RPL39L: variants seen among roughly 807,000 people sequenced by gnomAD.
RPL39L encodes the protein ribosomal protein eL39-like 2.
For synonymous variants in RPL39L, 16 were observed against 20.1 expected (o/e 0.80, Z 0.55); for missense variants, 48 against 58.9 (o/e 0.81, Z 0.61).
intron 2 of RPL39L, among the ~76,000 whole-genome samples, chr3:187,124,557 A>C (rs1001559448): frequency 1.3e-5 from 2 of 152,158 alleles, no homozygotes; most frequent in Non-Finnish European, 2.9e-5. Flanking sequence ...TTGCTGTCCT[A>C]AGCATAATCT....
At chr3:187,126,647 G>A (rs1388940460) in intron 2 of RPL39L, among the ~76,000 whole-genome samples, 1 of 152,118 alleles carries the variant, frequency 6.6e-6, no homozygotes, top group Non-Finnish European at 1.5e-5. Context: ...AAGCCTCAAA[G>A]AGATTACAAA....
intron 2 of RPL39L, among the ~76,000 whole-genome samples, chr3:187,123,833 C>T (rs1394082846): frequency 6.6e-6 from 1 of 152,212 alleles, no homozygotes; most frequent in African/African-American, 2.4e-5. Flanking sequence ...ATAGTGTGCT[C>T]ACCTCTGGAG....
intron 2 of RPL39L, 43 bp downstream of exon 2, chr3:187,127,956 A>G (rs1720425683): frequency 6.6e-6 from 1 of 152,238 alleles, no homozygotes. Flanking sequence ...TAAAAATTAC[A>G]CTTTTTTTTC....
At chr3:187,137,262 T>C (rs1720596561) in intron 1 of RPL39L, among the ~76,000 whole-genome samples, 1 of 145,144 alleles carries the variant, frequency 6.9e-6, no homozygotes, top group Non-Finnish European at 1.5e-5. Context: ...AATCCCAGCA[T>C]TTTGGGAGGC....
At position 187,139,237 on chromosome 3, in the gene RPL39L, C is replaced by T. The variant is rs1720644310; in HGVS notation, c.-117G>A. ...CCGGCGCCCTGGCCTCTGCTTTTTT[C>T]CCACTCTAGGACGCAAATCTCGATC... is the stretch of plus-strand genomic sequence containing the variant. On this transcript the variant is annotated 5_prime_UTR_variant, in exon 1 of 3. Coordinates refer to ENST00000296277, the MANE Select transcript of RPL39L (RefSeq NM_052969.3). 6.6e-6 allele frequency: 1 copy of T among 152,432 alleles called. No individual in the cohort carries two copies. 9.4% of individuals were successfully genotyped at this position (152,432 alleles called of 1,614,324 possible).
chr3:187,136,599 T>A (rs962445116), intron 1 of RPL39L, among the ~76,000 whole-genome samples: 1 of 151,846 alleles, frequency 6.6e-6, no homozygotes, highest in Non-Finnish European at 1.5e-5. Flanking sequence ...AGGATAAGAG[T>A]AGGTAGTGGT....
intron 2 of RPL39L, among the ~76,000 whole-genome samples, chr3:187,123,808 C>A (rs1372236180): frequency 6.6e-6 from 1 of 152,140 alleles, no homozygotes; most frequent in Non-Finnish European, 1.5e-5. Flanking sequence ...GTATTCATTT[C>A]CAATGAAGAG....
intron 1 of RPL39L, among the ~76,000 whole-genome samples, chr3:187,129,411 G>T (rs988140490): frequency 6.6e-6 from 1 of 152,200 alleles, no homozygotes; most frequent in East Asian, 1.9e-4. Flanking sequence ...CTTCGATTTA[G>T]AAAGTAATAA....
chr3:187,126,249 C>G (rs1169124676), intron 2 of RPL39L, among the ~76,000 whole-genome samples: 1 of 151,650 alleles, frequency 6.6e-6, no homozygotes, highest in Non-Finnish European at 1.5e-5. Flanking sequence ...GCAACCTCTG[C>G]CTCCCGGGTT....
At position 187,138,316 on chromosome 3, in the gene RPL39L, C is replaced by A. The variant is rs115251476; in HGVS notation, c.-93+897G>T. Among the ~76,000 whole-genome samples the A allele has an allele frequency of 5.9e-3, 896 of 152,152 alleles. 8 individuals are homozygous for A. The highest frequency in any genetic ancestry group is 0.019 in the African/African-American group (776 of 41,506). On this transcript the variant is annotated intron_variant, in intron 1 of 2. Transcript: ENST00000296277. Reference sequence around the variant, plus strand: ...CAGAGCAAGAAAGTAAGTACAGGGCCCTTCTGAGCCCTATGTGACTGCACG... The same window carrying A: ...CAGAGCAAGAAAGTAAGTACAGGGCACTTCTGAGCCCTATGTGACTGCACG...
chr3:187,121,326 C>A lies in RPL39L; in HGVS notation c.-26G>T, dbSNP rs1163368360. 1.2e-6 allele frequency: 2 copies of A among 1,612,856 alleles called. No individual in the cohort carries two copies. The highest frequency in any genetic ancestry group is 1.7e-6 in the Non-Finnish European group (2 of 1,179,232). On this transcript the variant is annotated splice_region_variant and 5_prime_UTR_variant, in exon 3 of 3. Transcript: ENST00000296277. ...GGCGAGAAACAGAGTCAACCACACACCACTATGGCGGAGAAAGGGAGAGAG... is the reference window on the plus strand; with the variant it reads ...GGCGAGAAACAGAGTCAACCACACAACACTATGGCGGAGAAAGGGAGAGAG...
chr3:187,134,019 T>C (rs1720529588), intron 1 of RPL39L, among the ~76,000 whole-genome samples: 1 of 152,046 alleles, frequency 6.6e-6, no homozygotes, highest in South Asian at 2.1e-4. Flanking sequence ...AAACAACTCA[T>C]TGTGAAGAGG....
At position 187,121,209 on chromosome 3, in the gene RPL39L, G is replaced by A. The variant is rs769500230; in HGVS notation, c.92C>T (p.Pro31Leu). The A allele has an allele frequency of 1.2e-5, 19 of 1,613,740 alleles. No individual in the cohort carries two copies. In the Admixed American group the frequency reaches 2.7e-4, roughly 23 times the overall value. ...GGAGTTGTACCTGATTTTACTACCA[G>A]GTTTCATCTGAATCCACTGGGGGAT... Reference protein sequence around the residue: ...RPIPQWIQMKPGSKIRYNSKR... With the variant: ...RPIPQWIQMKLGSKIRYNSKR... The change falls in exon 3 of 3, where the codon CCT (proline) becomes CTT (leucine). Residue 31 changes from proline to leucine, a missense_variant. By Grantham distance (98) the Pro-to-Leu change is moderately conservative. Coordinates refer to ENST00000296277, the MANE Select transcript of RPL39L (RefSeq NM_052969.3).
chr3:187,129,444 A>G (rs946797501), intron 1 of RPL39L, among the ~76,000 whole-genome samples: 4 of 152,192 alleles, frequency 2.6e-5, no homozygotes, highest in Non-Finnish European at 4.4e-5. Flanking sequence ...ACAAAAGCAT[A>G]AACATGGCCT....
At chr3:187,132,763 CAG>C (rs1720507441) in intron 1 of RPL39L, among the ~76,000 whole-genome samples, 1 of 152,196 alleles carries the variant, frequency 6.6e-6, no homozygotes. Context: ...TCCTGAAACT[CAG>C]AGGACTGAGG....
intron 1 of RPL39L, among the ~76,000 whole-genome samples, chr3:187,133,067 T>G (rs930434363): frequency 6.6e-5 from 10 of 152,212 alleles, no homozygotes; most frequent in Non-Finnish European, 1.3e-4. Context: ...CCTGGGAGCC[T>G]CAGACATAAA....
At chr3:187,132,174 A>G (rs1249829850) in intron 1 of RPL39L, among the ~76,000 whole-genome samples, 1 of 152,228 alleles carries the variant, frequency 6.6e-6, no homozygotes, top group African/African-American at 2.4e-5. Flanking sequence ...GCCCATGGTA[A>G]CATAAACCAA....
chr3:187,129,202 C>A (rs1720447239), intron 1 of RPL39L, among the ~76,000 whole-genome samples: 2 of 152,250 alleles, frequency 1.3e-5, no homozygotes, highest in African/African-American at 4.8e-5. Flanking sequence ...TAATATAGCT[C>A]AGGATAAAAG....
Position 187,139,291 on chromosome 3 carries a change from G to A in RPL39L, c.-171C>T, listed in dbSNP as rs1030684935. On this transcript the variant is annotated 5_prime_UTR_variant, in exon 1 of 3. Coordinates refer to ENST00000296277, the MANE Select transcript of RPL39L (RefSeq NM_052969.3). ...AAGGGCCTGGGGCGCGGGCGGAAAA[G>A]GCGGGCCCAGCTCCCTCAGGTCTGC... 1 of 152,354 alleles carries A rather than the reference G, an allele frequency of 6.6e-6. No individual in the cohort carries two copies. Among genetic ancestry groups the A allele is most frequent in the Non-Finnish European group, 1.5e-5 (1 of 68,146 alleles). 9.4% of individuals were successfully genotyped at this position (152,354 alleles called of 1,614,324 possible). A position where few individuals can be genotyped will look rare whatever the true frequency, so the allele number is the denominator to read the frequency against.
Sources: allele counts gnomAD v4.1 joint callset (sites outside exome capture counted in the v4.1 genomes callset), GRCh38; gene constraint gnomAD v4.1.1; transcripts MANE v1.5; gene names NCBI Gene and HGNC (gene_info 2026-07-23, HGNC 2026-07-21).